LRRC74B: variants seen among roughly 807,000 people sequenced by gnomAD.
The protein encoded by LRRC74B is leucine-rich repeat-containing protein 74B.
LRRC74B carries 30 observed loss-of-function variants against 16.6 expected under a neutral mutation model. That is an observed-to-expected ratio of 1.80 (90% CI 1.35 to 2.45). The LOEUF is 2.45. Ranked by LOEUF, LRRC74B falls within the 30% of genes most tolerant of loss-of-function variation. The pLI is 0.00. For missense variants in LRRC74B, 326 were observed against 202.4 expected (o/e 1.61, Z -3.71); for synonymous variants, 134 against 86.0 (o/e 1.56, Z -3.09).
chr22:21,046,212 C>T lies in LRRC74B; in HGVS notation c.139+87C>T, dbSNP rs114514899. The T allele has an allele frequency of 0.013, 8,496 of 678,928 alleles. 477 individuals are homozygous for T. In the African/African-American group the frequency reaches 0.13, roughly 11 times the overall value. The allele number at this position is 678,928 out of a possible 1,614,324, so 42.1% of individuals were successfully genotyped here. On this transcript the variant is annotated intron_variant, in intron 1 of 8. Coordinates refer to ENST00000442047, the Ensembl canonical transcript of LRRC74B. ...GGGGGAGGCGGGCTGGGGCTAAGGC[C>T]AGCAGGGAACGTACCCGCCTGCGGG... is the stretch of plus-strand genomic sequence containing the variant.
Position 21,056,912 on chromosome 22 carries a change from T to C in LRRC74B, c.928-193T>C, listed in dbSNP as rs555814092. 74 of 583,334 alleles carry C rather than the reference T, an allele frequency of 1.3e-4. No individual in the cohort carries two copies. The South Asian group carries it at 1.4e-3, about 11-fold the overall frequency. 36.1% of individuals were successfully genotyped at this position (583,334 alleles called of 1,614,324 possible). On this transcript the variant is annotated intron_variant, in intron 7 of 8. Coordinates refer to ENST00000442047, the Ensembl canonical transcript of LRRC74B. ...TCTATATCAATCGGAGGCCTCTCCC[T>C]TCCTTTCTTCCCTGACCCAGCAGCC...
chr22:21,057,789 T>G (rs1930622359), intron 8 of LRRC74B, among the ~76,000 whole-genome samples: 1 of 143,822 alleles, frequency 7.0e-6, no homozygotes, highest in African/African-American at 2.6e-5. Flanking sequence ...GGCTAAAGTT[T>G]TTAGAGATGG....
chr22:21,059,224 C>T (rs1423951372), intron 8 of LRRC74B, among the ~76,000 whole-genome samples: 1 of 152,188 alleles, frequency 6.6e-6, no homozygotes, highest in Non-Finnish European at 1.5e-5. Context: ...CCTGTCTCTA[C>T]TAAAAATACA....
intron 8 of LRRC74B, among the ~76,000 whole-genome samples, chr22:21,059,744 C>T (rs942447155): frequency 4.6e-5 from 7 of 152,146 alleles, no homozygotes; most frequent in Middle Eastern, 3.2e-3. Context: ...TTTCCCTAGG[C>T]TCAGACTTGT....
At chr22:21,048,140 G>A (rs1929647800) in intron 3 of LRRC74B, 124 bp downstream of exon 3, 4 of 676,426 alleles carry the variant, frequency 5.9e-6, no homozygotes, top group Non-Finnish European at 8.1e-6. Context: ...GATAGAAGAG[G>A]GGCCTCATCA....
intron 8 of LRRC74B, among the ~76,000 whole-genome samples, chr22:21,057,506 C>T (rs1930605833): frequency 1.3e-5 from 2 of 150,844 alleles, no homozygotes; most frequent in Non-Finnish European, 3.0e-5. Flanking sequence ...TCTGCAGGCG[C>T]AGCACCTGCA....
intron 4 of LRRC74B, 74 bp from the exon 5 acceptor site, chr22:21,052,175 G>A (rs1455754637): frequency 2.1e-5 from 15 of 704,486 alleles, no homozygotes; most frequent in African/African-American, 1.9e-4. Context: ...GGCTCGGCAC[G>A]CAGTGGGCAT....
intron 2 of LRRC74B, 75 bp downstream of exon 2, chr22:21,047,573 G>T: frequency 1.5e-6 from 1 of 688,076 alleles, no homozygotes. Context: ...GAGTGCCCCT[G>T]TGTCTGTCCC....
chr22:21,048,607 C>T, intron 3 of LRRC74B: 1 of 339,866 alleles, frequency 2.9e-6, no homozygotes, highest in Non-Finnish European at 5.6e-6. Context: ...GCTATTATTG[C>T]CAATCCTGGC....
intron 4 of LRRC74B, among the ~76,000 whole-genome samples, chr22:21,050,635 G>A (rs1368266194): frequency 1.3e-5 from 2 of 151,888 alleles, no homozygotes; most frequent in Admixed American, 6.6e-5. Flanking sequence ...AAAATTAGCC[G>A]AGTGTGGTGG....
intron 3 of LRRC74B, 120 bp from the exon 4 acceptor site, chr22:21,048,831 A>G (rs1601807294): frequency 1.6e-6 from 1 of 636,276 alleles, no homozygotes; most frequent in Non-Finnish European, 2.9e-6. Flanking sequence ...ATGCAACCCC[A>G]GGACAGTTAA....
intron 8 of LRRC74B, among the ~76,000 whole-genome samples, chr22:21,058,728 A>T (rs141603293): frequency 0.03 from 4,564 of 152,222 alleles, 218 homozygotes; most frequent in African/African-American, 0.1. Context: ...TGCTCTGAGA[A>T]TTCCTGTCAG....
At chr22:21,059,175 G>C (rs1930691347) in intron 8 of LRRC74B, among the ~76,000 whole-genome samples, 2 of 152,214 alleles carry the variant, frequency 1.3e-5, no homozygotes, top group Admixed American at 1.3e-4. Flanking sequence ...ATCACCTGAG[G>C]TCAGGAGTTC....
intron 5 of LRRC74B, among the ~76,000 whole-genome samples, chr22:21,052,669 G>A (rs973601577): frequency 2.0e-5 from 3 of 152,162 alleles, no homozygotes; most frequent in Admixed American, 1.3e-4. Context: ...TTGGGCATAC[G>A]CAGGTGGTTT....
At chr22:21,059,619 A>G (rs977894125) in intron 8 of LRRC74B, among the ~76,000 whole-genome samples, 1 of 152,266 alleles carries the variant, frequency 6.6e-6, no homozygotes, top group Non-Finnish European at 1.5e-5. Flanking sequence ...TGAATATTCT[A>G]TCTTCTATTC....
downstream of LRRC74B, chr22:21,061,817 A>G (rs1290718110): frequency 6.6e-6 from 1 of 152,130 alleles, no homozygotes; most frequent in Non-Finnish European, 1.5e-5. Context: ...TAAGAGTGAA[A>G]ATGCCCACCA....
chr22:21,049,066 G>A, exon 4 of LRRC74B: 2 of 715,906 alleles, frequency 2.8e-6, no homozygotes, highest in Non-Finnish European at 5.2e-6. Context: ...GCCTGGAGGA[G>A]CAGGCGGCCC....
chr22:21,059,191 C>T (rs1317625407), intron 8 of LRRC74B, among the ~76,000 whole-genome samples: 1 of 152,242 alleles, frequency 6.6e-6, no homozygotes, highest in Non-Finnish European at 1.5e-5. Flanking sequence ...AGTTCGAGAT[C>T]AGTCTGGCCA....
chr22:21,060,513 G>A (rs547207213), exon 9 of LRRC74B: 59 of 713,520 alleles, frequency 8.3e-5, no homozygotes, highest in African/African-American at 6.5e-4. Context: ...CCCTGCCAGC[G>A]TCTGTCCCTA....
Sources: gnomAD v4.1 joint callset for allele counts (sites outside exome capture counted in the v4.1 genomes callset) on GRCh38, gnomAD v4.1.1 for gene constraint, MANE v1.5 for transcripts, NCBI Gene and HGNC (gene_info 2026-07-23, HGNC 2026-07-21) for gene names.